EDARADD: variants seen among roughly 807,000 people sequenced by gnomAD.
The protein encoded by EDARADD is EDAR associated via death domain.
A neutral mutation model predicts 25.6 loss-of-function variants in EDARADD; 20 were observed. That is an observed-to-expected ratio of 0.78 (90% CI 0.55 to 1.14). The LOEUF is 1.14. Ranked by LOEUF, EDARADD falls within the 50% of genes most tolerant of loss-of-function variation. EDARADD has a pLI of 0.00. For missense variants in EDARADD, 225 were observed against 270.1 expected, an observed-to-expected ratio of 0.83 and a Z score of 1.17; for synonymous variants, 86 against 94.4, an observed-to-expected ratio of 0.91 and a Z score of 0.52.
chr1:236,483,371 CAAT>C lies in EDARADD; in HGVS notation c.*725_*727del. 1 of 1,477,894 alleles carries C rather than the reference CAAT, an allele frequency of 6.8e-7. No individual in the cohort carries two copies. Among genetic ancestry groups the C allele is most frequent in the Non-Finnish European group, 9.4e-7 (1 of 1,058,834 alleles). The allele number at this position is 1,477,894 out of a possible 1,614,324, so 91.5% of individuals were successfully genotyped here. A position where few individuals can be genotyped will look rare whatever the true frequency, so the allele number is the denominator to read the frequency against. On this transcript the variant is annotated 3_prime_UTR_variant, in exon 6 of 6. Coordinates refer to ENST00000334232, the MANE Select transcript of EDARADD (RefSeq NM_145861.4). ...GTGTCTCAAAGCCTGTTGAGCCCAT[CAAT>C]AAAACTATTGCACCTGTCCTGGTTA...
chr1:236,357,440 T>C (rs1666994050), intron 3 of EDARADD, among the ~76,000 whole-genome samples: 1 of 152,206 alleles, frequency 6.6e-6, no homozygotes, highest in South Asian at 2.1e-4. Flanking sequence ...TCAGTTGTTC[T>C]GTCTCCCTGT....
intron 3 of EDARADD, among the ~76,000 whole-genome samples, chr1:236,425,500 G>A (rs747813302): frequency 2.6e-5 from 4 of 152,130 alleles, no homozygotes; most frequent in Non-Finnish European, 4.4e-5. Context: ...CCGCCCCCGT[G>A]GCTGACCTGG....
chr1:236,426,737 A>G (rs1171274640), intron 3 of EDARADD, among the ~76,000 whole-genome samples: 1 of 152,152 alleles, frequency 6.6e-6, no homozygotes, highest in African/African-American at 2.4e-5. Context: ...GTGAGGCCCT[A>G]TATCTTACTT....
chr1:236,392,819 G>C (rs1420343721), upstream of EDARADD, among the ~76,000 whole-genome samples: 1 of 152,124 alleles, frequency 6.6e-6, no homozygotes, highest in East Asian at 1.9e-4. Flanking sequence ...ACAGGTGCCT[G>C]TCACCACGCC....
At chr1:236,358,742 G>A (rs1667012044) in intron 3 of EDARADD, among the ~76,000 whole-genome samples, 1 of 151,258 alleles carries the variant, frequency 6.6e-6, no homozygotes, top group African/African-American at 2.4e-5. Flanking sequence ...GAGACTGTTT[G>A]TTATGATTTC....
At chr1:236,427,294 T>C in intron 3 of EDARADD, 98 bp from the exon 4 acceptor site, 1 of 1,169,400 alleles carries the variant, frequency 8.6e-7, no homozygotes, top group Non-Finnish European at 1.2e-6. Flanking sequence ...CAAGGCAGCA[T>C]GTGACACTGA....
At chr1:236,405,732 T>C (rs1571914769) in intron 1 of EDARADD, among the ~76,000 whole-genome samples, 2 of 29,222 alleles carry the variant, frequency 6.8e-5, no homozygotes, top group African/African-American at 2.8e-4. Flanking sequence ...TCTTTTTCTT[T>C]CTTTCTTTCT....
At chr1:236,372,135 T>C (rs926691819) in intron 3 of EDARADD, among the ~76,000 whole-genome samples, 2 of 151,362 alleles carry the variant, frequency 1.3e-5, no homozygotes, top group African/African-American at 4.9e-5. Context: ...TTTGTATTTT[T>C]AGTAGAGACG....
intron 4 of EDARADD, among the ~76,000 whole-genome samples, chr1:236,441,065 G>A (rs867781208): frequency 6.6e-6 from 1 of 151,914 alleles, no homozygotes; most frequent in Middle Eastern, 3.2e-3. Flanking sequence ...GCCAAGTTAT[G>A]AATGCAAAAG....
At chr1:236,404,451 A>C (rs1056027595) in intron 1 of EDARADD, among the ~76,000 whole-genome samples, 1 of 152,212 alleles carries the variant, frequency 6.6e-6, no homozygotes, top group Non-Finnish European at 1.5e-5. Context: ...TTTCAGATAC[A>C]GTGCATGGGC....
chr1:236,400,551 G>A (rs1667595860), intron 1 of EDARADD, among the ~76,000 whole-genome samples: 1 of 151,892 alleles, frequency 6.6e-6, no homozygotes, highest in African/African-American at 2.4e-5. Flanking sequence ...TATGTCTCAG[G>A]ACTCCAGAAA....
chr1:236,410,203 C>T (rs1469617390), intron 2 of EDARADD, among the ~76,000 whole-genome samples: 3 of 152,002 alleles, frequency 2.0e-5, no homozygotes, highest in South Asian at 2.1e-4. Flanking sequence ...ACATAGTGAA[C>T]GCTGTACCTA....
chr1:236,438,678 C>T (rs1200790663), intron 4 of EDARADD, among the ~76,000 whole-genome samples: 2 of 152,094 alleles, frequency 1.3e-5, no homozygotes, highest in African/African-American at 4.8e-5. Flanking sequence ...ATTTTTAATA[C>T]GCTTTACGTT....
chr1:236,371,131 C>T (rs1667168137), intron 3 of EDARADD, among the ~76,000 whole-genome samples: 1 of 152,138 alleles, frequency 6.6e-6, no homozygotes, highest in Admixed American at 6.6e-5. Context: ...AAACATAGAT[C>T]TTGTACATAT....
At chr1:236,351,824 C>T (rs768419581) in intron 3 of EDARADD, among the ~76,000 whole-genome samples, 11 of 151,642 alleles carry the variant, frequency 7.3e-5, no homozygotes, top group Non-Finnish European at 1.0e-4. Flanking sequence ...GAGAGTCACA[C>T]ACAAGGGGGT....
At chr1:236,444,789 T>G (rs923267557) in intron 4 of EDARADD, among the ~76,000 whole-genome samples, 2 of 152,190 alleles carry the variant, frequency 1.3e-5, no homozygotes. Flanking sequence ...CAGTGCACTC[T>G]AAGCTGAATT....
intron 1 of EDARADD, among the ~76,000 whole-genome samples, chr1:236,407,159 C>CTTA (rs895460756): frequency 1.3e-5 from 2 of 152,158 alleles, no homozygotes; most frequent in African/African-American, 4.8e-5. Flanking sequence ...GCATTGCTGT[C>CTTA]TTATGGTCCT....
At chr1:236,453,323 C>G (rs1237641072) in intron 4 of EDARADD, among the ~76,000 whole-genome samples, 3 of 144,764 alleles carry the variant, frequency 2.1e-5, no homozygotes, top group Admixed American at 7.1e-5. Flanking sequence ...GTCACCCAGG[C>G]TAGAATGCAG....
At chr1:236,403,900 C>A (rs900617937) in intron 1 of EDARADD, among the ~76,000 whole-genome samples, 1 of 152,152 alleles carries the variant, frequency 6.6e-6, no homozygotes, top group Non-Finnish European at 1.5e-5. Flanking sequence ...GGAGTTACAC[C>A]TCATTCTCAC....
Sources: allele counts gnomAD v4.1 joint callset (sites outside exome capture counted in the v4.1 genomes callset), GRCh38; gene constraint gnomAD v4.1.1; transcripts MANE v1.5; gene names NCBI Gene and HGNC (gene_info 2026-07-23, HGNC 2026-07-21).